SLC4A10: variants seen among roughly 807,000 people sequenced by gnomAD.
SLC4A10 encodes the protein sodium-driven chloride bicarbonate exchanger.
Under a neutral mutation model 137.7 loss-of-function variants are expected in SLC4A10, and 42 were observed. The ratio of observed to expected loss-of-function variants is 0.30; its 90% confidence interval spans 0.24 to 0.39. SLC4A10 has a LOEUF of 0.39. SLC4A10 is among the 10% of genes least tolerant of loss of function. The pLI, the probability that SLC4A10 is intolerant of heterozygous loss-of-function variation, is 1.00. For missense variants in SLC4A10, 925 were observed against 1,355.0 expected, an observed-to-expected ratio of 0.68 and a Z score of 4.98; for synonymous variants, 474 against 464.1, an observed-to-expected ratio of 1.02 and a Z score of -0.27.
chr2:161,858,884 A>T (rs2060247114), intron 5 of SLC4A10, among the ~76,000 whole-genome samples: 1 of 152,202 alleles, frequency 6.6e-6, no homozygotes, highest in Non-Finnish European at 1.5e-5. Flanking sequence ...GCTCCACTGA[A>T]TGTAATCTGT....
At chr2:161,856,818 A>T (rs2060133150) in intron 5 of SLC4A10, among the ~76,000 whole-genome samples, 1 of 152,104 alleles carries the variant, frequency 6.6e-6, no homozygotes, top group South Asian at 2.1e-4. Context: ...TGTTATCCTT[A>T]TTTAATAAAG....
chr2:161,731,020 A>T (rs1171724645), intron 1 of SLC4A10, among the ~76,000 whole-genome samples: 1 of 152,148 alleles, frequency 6.6e-6, no homozygotes, highest in African/African-American at 2.4e-5. Flanking sequence ...CATTTAATAA[A>T]TGTTGTTTTG....
intron 2 of SLC4A10, among the ~76,000 whole-genome samples, chr2:161,799,691 C>A (rs1433366827): frequency 2.0e-5 from 3 of 151,886 alleles, no homozygotes; most frequent in Non-Finnish European, 2.9e-5. Context: ...CTCATGTAAT[C>A]TTTGTGGAAA....
chr2:161,883,545 A>G (rs1333080054), intron 10 of SLC4A10, among the ~76,000 whole-genome samples: 1 of 152,194 alleles, frequency 6.6e-6, no homozygotes, highest in African/African-American at 2.4e-5. Context: ...GTTTACAACG[A>G]CTGCCATAAG....
At chr2:161,861,579 A>T (rs532074068) in intron 5 of SLC4A10, among the ~76,000 whole-genome samples, 56 of 152,264 alleles carry the variant, frequency 3.7e-4, no homozygotes, top group African/African-American at 1.2e-3. Context: ...TCTCTACTTG[A>T]TAAGCTGTCA....
At chr2:161,651,628 T>A (rs1275454228) in intron 1 of SLC4A10, among the ~76,000 whole-genome samples, 2 of 152,128 alleles carry the variant, frequency 1.3e-5, no homozygotes, top group Non-Finnish European at 1.5e-5. Flanking sequence ...ATTCCCCAAG[T>A]CCAGATGTGG....
At chr2:161,982,117 A>G (rs1700298523) in intron 26 of SLC4A10, among the ~76,000 whole-genome samples, 1 of 152,228 alleles carries the variant, frequency 6.6e-6, no homozygotes, top group Non-Finnish European at 1.5e-5. Context: ...GGTGCGGTCC[A>G]TTGTCAAGTG....
At chr2:161,808,435 A>T (rs2056220801) in intron 3 of SLC4A10, among the ~76,000 whole-genome samples, 1 of 151,850 alleles carries the variant, frequency 6.6e-6, no homozygotes, top group Non-Finnish European at 1.5e-5. Context: ...CACTTCTTTT[A>T]CTTTGGATTC....
At chr2:161,819,018 T>G (rs977782134) in intron 3 of SLC4A10, among the ~76,000 whole-genome samples, 8 of 152,180 alleles carry the variant, frequency 5.3e-5, no homozygotes, top group Non-Finnish European at 1.2e-4. Context: ...GATTCCTTCT[T>G]TTTCTATCGA....
At chr2:161,831,525 TA>T (rs1357467500) in intron 3 of SLC4A10, among the ~76,000 whole-genome samples, 3 of 152,162 alleles carry the variant, frequency 2.0e-5, no homozygotes, top group African/African-American at 7.2e-5. Context: ...GATTTATTCC[TA>T]ATATTATATT....
At chr2:161,721,306 G>T (rs1410125052) in intron 1 of SLC4A10, among the ~76,000 whole-genome samples, 3 of 152,162 alleles carry the variant, frequency 2.0e-5, no homozygotes, top group Non-Finnish European at 4.4e-5. Flanking sequence ...GTGTGTTTTT[G>T]TAGTGGCTGC....
chr2:161,674,825 T>G (rs1051384340), intron 1 of SLC4A10, among the ~76,000 whole-genome samples: 6 of 152,206 alleles, frequency 3.9e-5, no homozygotes, highest in African/African-American at 1.4e-4. Flanking sequence ...AAATGACTTC[T>G]GCTATTAAAG....
At chr2:161,705,198 A>G (rs2043526252) in intron 1 of SLC4A10, among the ~76,000 whole-genome samples, 1 of 151,686 alleles carries the variant, frequency 6.6e-6, no homozygotes, top group African/African-American at 2.4e-5. Flanking sequence ...GTATATTTAT[A>G]CAAAAATATA....
At position 161,947,566 on chromosome 2, in the gene SLC4A10, G is replaced by A; in HGVS notation, c.2104G>A (p.Glu702Lys). The change falls in exon 17 of 27, where the codon GAA (glutamate) becomes AAA (lysine). Residue 702 changes from glutamate to lysine, a missense_variant and splice_region_variant. Glu to Lys is a moderately conservative substitution (Grantham distance 56, BLOSUM62 1). Coordinates refer to ENST00000446997, the MANE Select transcript of SLC4A10 (RefSeq NM_001178015.2). The part of the protein sequence containing the change: ...DIIWENLTVS[E>K]CKSLHGEYVG... ...CCATTTGTTTTACTTCCTCTGGCAG[G>A]AATGCAAATCATTGCATGGAGAGTA... 6.2e-7 allele frequency: 1 copy of A among 1,606,952 alleles called. No individual in the cohort carries two copies. The highest frequency in any genetic ancestry group is 8.5e-7 in the Non-Finnish European group (1 of 1,177,520).
At chr2:161,961,881 G>A (rs1420133214) in intron 21 of SLC4A10, among the ~76,000 whole-genome samples, 2 of 152,120 alleles carry the variant, frequency 1.3e-5, no homozygotes, top group Non-Finnish European at 2.9e-5. Flanking sequence ...TCAATCTGGG[G>A]CACATGTTGA....
chr2:161,926,160 T>A (rs1404020116), intron 15 of SLC4A10, among the ~76,000 whole-genome samples: 1 of 151,892 alleles, frequency 6.6e-6, no homozygotes, highest in Non-Finnish European at 1.5e-5. Flanking sequence ...GATGTTAAAG[T>A]CTCCCATTAT....
intron 3 of SLC4A10, among the ~76,000 whole-genome samples, chr2:161,805,450 T>G (rs2055836336): frequency 6.6e-6 from 1 of 152,056 alleles, no homozygotes; most frequent in African/African-American, 2.4e-5. Context: ...GTCCAAAATC[T>G]CATCTGAGAT....
intron 9 of SLC4A10, among the ~76,000 whole-genome samples, chr2:161,881,947 C>A (rs535820636): frequency 1.3e-5 from 2 of 151,864 alleles, no homozygotes; most frequent in African/African-American, 4.8e-5. Flanking sequence ...ACTGTGTTAC[C>A]TTTGTCCCCT....
intron 1 of SLC4A10, among the ~76,000 whole-genome samples, chr2:161,701,028 A>T (rs2043070851): frequency 6.6e-6 from 1 of 152,114 alleles, no homozygotes; most frequent in African/African-American, 2.4e-5. Context: ...GCAGTGCGCT[A>T]CCTGCTTCAC....
Sources: gnomAD v4.1 joint callset for allele counts (sites outside exome capture counted in the v4.1 genomes callset) on GRCh38, gnomAD v4.1.1 for gene constraint, MANE v1.5 for transcripts, NCBI Gene and HGNC (gene_info 2026-07-23, HGNC 2026-07-21) for gene names.